The following BMPR2 variants were observed in gnomAD, a reference collection of about 807,000 sequenced individuals.
The protein encoded by BMPR2 is bone morphogenetic protein receptor type 2.
In BMPR2, 29 loss-of-function variants were observed where a neutral mutation model predicts 100.8. That is an observed-to-expected ratio of 0.29 (90% CI 0.21 to 0.39). The LOEUF (loss-of-function observed/expected upper bound fraction) is 0.39, where lower values mean the gene tolerates loss of function less well. Among genes scored for constraint, BMPR2 ranks in the 10% least tolerant of loss-of-function variants. The pLI is 1.00. For missense variants in BMPR2, 1,011 were observed against 1,274.5 expected (o/e 0.79, Z 3.15); for synonymous variants, 382 against 442.3 (o/e 0.86, Z 1.71).
intron 3 of BMPR2, among the ~76,000 whole-genome samples, chr2:202,471,075 A>G (rs1466419165): frequency 1.3e-5 from 2 of 152,144 alleles, no homozygotes; most frequent in African/African-American, 4.8e-5. Context: ...AACAAAGCAA[A>G]AAAAGGAAGG....
intron 11 of BMPR2, among the ~76,000 whole-genome samples, chr2:202,554,857 A>T (rs1688535562): frequency 1.3e-5 from 2 of 152,250 alleles, no homozygotes; most frequent in South Asian, 4.1e-4. Context: ...ATCTAGAATT[A>T]TGGAAATACA....
chr2:202,535,286 G>C (rs1199222954), intron 9 of BMPR2, among the ~76,000 whole-genome samples: 36 of 151,920 alleles, frequency 2.4e-4, no homozygotes, highest in African/African-American at 8.2e-4. Context: ...TCACTTCTCA[G>C]ACGGGGCGGC....
chr2:202,445,444 C>G (rs980259984), intron 1 of BMPR2, among the ~76,000 whole-genome samples: 2 of 150,218 alleles, frequency 1.3e-5, no homozygotes, highest in South Asian at 4.2e-4. Context: ...CCAAGCTGAT[C>G]TCAAACTCCT....
intron 8 of BMPR2, 140 bp downstream of exon 8, chr2:202,531,094 A>G (rs1471904303): frequency 5.1e-6 from 5 of 979,764 alleles, no homozygotes; most frequent in Admixed American, 2.1e-5. Flanking sequence ...CCTAAGGTAA[A>G]GAGTTCGAGA....
chr2:202,474,221 C>T (rs1266709513), intron 3 of BMPR2, among the ~76,000 whole-genome samples: 2 of 151,858 alleles, frequency 1.3e-5, no homozygotes, highest in Non-Finnish European at 2.9e-5. Flanking sequence ...TTTGGAAGGC[C>T]GAGGCAGGTG....
intron 3 of BMPR2, among the ~76,000 whole-genome samples, chr2:202,490,822 C>G (rs1334273568): frequency 1.3e-5 from 2 of 152,202 alleles, no homozygotes; most frequent in Non-Finnish European, 2.9e-5. Flanking sequence ...TCTAAACTCC[C>G]CTTAGGGTCA....
intron 3 of BMPR2, among the ~76,000 whole-genome samples, chr2:202,507,093 G>A (rs947677896): frequency 6.7e-6 from 1 of 148,212 alleles, no homozygotes; most frequent in Non-Finnish European, 1.5e-5. Context: ...AAAAAAAAAA[G>A]GAATTCATTA....
intron 1 of BMPR2, among the ~76,000 whole-genome samples, chr2:202,403,468 GA>G (rs1161673930): frequency 2.0e-5 from 3 of 152,064 alleles, no homozygotes; most frequent in Admixed American, 6.6e-5. Flanking sequence ...AAAGTGCTGG[GA>G]TTACAGGCAT....
intron 1 of BMPR2, among the ~76,000 whole-genome samples, chr2:202,390,534 G>C (rs1690525355): frequency 1.3e-5 from 2 of 152,162 alleles, no homozygotes; most frequent in South Asian, 4.2e-4. Context: ...GTTTCACCAT[G>C]TTGGCTGGGC....
chr2:202,391,964 A>G (rs1349806886), intron 1 of BMPR2, among the ~76,000 whole-genome samples: 1 of 150,710 alleles, frequency 6.6e-6, no homozygotes, highest in Non-Finnish European at 1.5e-5. Flanking sequence ...GTTTCACCAT[A>G]TTGCCCGGGA....
chr2:202,454,724 A>G (rs1264749073), intron 1 of BMPR2, among the ~76,000 whole-genome samples: 14 of 152,236 alleles, frequency 9.2e-5, no homozygotes, highest in Admixed American at 8.5e-4. Flanking sequence ...TTGTTTATAT[A>G]TAGTGCTTAG....
chr2:202,562,428 T>G lies in BMPR2; in HGVS notation c.*2482T>G, dbSNP rs1170649619. 6.6e-6 allele frequency: 1 copy of G among 152,612 alleles called. No homozygotes were observed. Among genetic ancestry groups the G allele is most frequent in the African/African-American group, 2.4e-5 (1 of 41,458 alleles). 9.5% of individuals were successfully genotyped at this position (152,612 alleles called of 1,614,324 possible). A position where few individuals can be genotyped will look rare whatever the true frequency, so the allele number is the denominator to read the frequency against. On this transcript the variant is annotated 3_prime_UTR_variant, in exon 13 of 13. Coordinates refer to ENST00000374580, the MANE Select transcript of BMPR2 (RefSeq NM_001204.7). Reference sequence around the variant, plus strand: ...TAAACTCCTGAAAAAGTAGGAAAGGTGGAAAGTATATATCATTTTTATAAA... The same window carrying G: ...TAAACTCCTGAAAAAGTAGGAAAGGGGGAAAGTATATATCATTTTTATAAA...
Position 202,514,560 on chromosome 2 carries a change from T to C in BMPR2, c.530-328T>C, listed in dbSNP as rs1024769171. Among the ~76,000 whole-genome samples, 17 of 152,372 alleles carry C rather than the reference T, an allele frequency of 1.1e-4. 1 individual carries two copies. The highest frequency in any genetic ancestry group is 4.1e-4 in the African/African-American group (17 of 41,592). On this transcript the variant is annotated intron_variant, in intron 4 of 12. Transcript: ENST00000374580. The stretch of plus-strand genomic sequence containing the variant: ...TATACTTTAGGTTTGATGGACTGTT[T>C]AGGAAATCAGCGTTCATTGATTCAT...
At chr2:202,441,106 G>A (rs886218611) in intron 1 of BMPR2, among the ~76,000 whole-genome samples, 21 of 149,746 alleles carry the variant, frequency 1.4e-4, no homozygotes, top group African/African-American at 4.6e-4. Context: ...TCAGCCTCCC[G>A]AGTAGCTGGG....
intron 3 of BMPR2, among the ~76,000 whole-genome samples, chr2:202,507,072 TAAAA>T (rs74622497): frequency 1.6e-5 from 2 of 121,576 alleles, no homozygotes; most frequent in Non-Finnish European, 1.7e-5. Flanking sequence ...GACTCTGCCT[TAAAA>T]AAAAAAAAAA....
At chr2:202,556,771 A>AC (rs1688580964) in intron 12 of BMPR2, among the ~76,000 whole-genome samples, 1 of 151,890 alleles carries the variant, frequency 6.6e-6, no homozygotes, top group Non-Finnish European at 1.5e-5. Context: ...ACATGGCGAA[A>AC]CCCCATCTCT....
intron 12 of BMPR2, among the ~76,000 whole-genome samples, chr2:202,557,582 G>C (rs188767372): frequency 6.6e-6 from 1 of 151,674 alleles, no homozygotes; most frequent in Non-Finnish European, 1.5e-5. Context: ...CAGGAGAATC[G>C]CCTTAACCCA....
At chr2:202,389,343 T>A (rs1007873804) in intron 1 of BMPR2, among the ~76,000 whole-genome samples, 1 of 151,586 alleles carries the variant, frequency 6.6e-6, no homozygotes, top group African/African-American at 2.4e-5. Context: ...CTGGCTAACA[T>A]GGTGAAACCC....
In BMPR2 at chr2:202,556,508, T is replaced by C. The variant is rs764775298; in HGVS notation, c.2843T>C (p.Val948Ala). Residue 948 changes from valine to alanine, a missense_variant, in exon 12 of 13, where the codon GTC becomes GCC. Val to Ala is a moderately conservative substitution (Grantham distance 64, BLOSUM62 0). This residue lies in a region of BMPR2 where 508 missense variants were observed against 552.0 expected (regional missense o/e 0.92). Coordinates refer to ENST00000374580, the MANE Select transcript of BMPR2 (RefSeq NM_001204.7). The stretch of plus-strand genomic sequence containing the variant: ...TCTCTGGATCTTTCAGCCACAAATG[T>C]CCTGGATGGCAGCAGTATACAGAGT... ...PNSLDLSATN[V>A]LDGSSIQIGE... The C allele has an allele frequency of 1.8e-5, 29 of 1,613,596 alleles. No homozygotes were observed. The highest frequency in any genetic ancestry group is 2.4e-5 in the Non-Finnish European group (28 of 1,180,024).
Sources: gnomAD v4.1 joint callset for allele counts (sites outside exome capture counted in the v4.1 genomes callset) on GRCh38, gnomAD v4.1.1 for gene constraint, gnomAD v4.1.1 regional missense constraint, MANE v1.5 for transcripts, NCBI Gene and HGNC (gene_info 2026-07-23, HGNC 2026-07-21) for gene names.